Variants in ITIH5 observed in about 807,000 individuals in gnomAD.
ITIH5 encodes the protein inter-alpha-trypsin inhibitor heavy chain H5.
ITIH5 carries 65 observed loss-of-function variants against 77.5 expected under a neutral mutation model. The ratio of observed to expected loss-of-function variants is 0.84; its 90% CI spans 0.69 to 1.03. The LOEUF is 1.03. Ranked by LOEUF, ITIH5 falls within the 50% of genes least tolerant of loss-of-function variation. The pLI is 0.00. For missense variants in ITIH5, 1,208 were observed against 1,213.1 expected (o/e 1.00, Z 0.06); for synonymous variants, 525 against 494.3 (o/e 1.06, Z -0.82).
At chr10:7,658,687 C>T (rs1834227701) in intron 1 of ITIH5, among the ~76,000 whole-genome samples, 1 of 152,064 alleles carries the variant, frequency 6.6e-6, no homozygotes, top group Admixed American at 6.6e-5. Context: ...CCAGGTTATA[C>T]GTAGATGTAA....
At chr10:7,588,472 C>T (rs1832726341) in intron 7 of ITIH5, among the ~76,000 whole-genome samples, 1 of 152,194 alleles carries the variant, frequency 6.6e-6, no homozygotes, top group Non-Finnish European at 1.5e-5. Flanking sequence ...GAGCCCAGAT[C>T]GTGCCACTGC....
At chr10:7,642,172 C>T in intron 2 of ITIH5, 82 bp from the exon 3 acceptor site, 1 of 1,107,978 alleles carries the variant, frequency 9.0e-7, no homozygotes, top group Non-Finnish European at 1.3e-6. Flanking sequence ...TTTTTTTCCA[C>T]AAGGGAAATA....
chr10:7,597,518 T>C (rs111700026), intron 7 of ITIH5, among the ~76,000 whole-genome samples: 1 of 151,618 alleles, frequency 6.6e-6, no homozygotes, highest in South Asian at 2.1e-4. Flanking sequence ...CTGTACCCCA[T>C]AGACACCCAT....
intron 8 of ITIH5, among the ~76,000 whole-genome samples, chr10:7,584,810 G>A (rs1191389722): frequency 1.3e-5 from 2 of 152,194 alleles, no homozygotes; most frequent in African/African-American, 2.4e-5. Flanking sequence ...TTATGGTGTT[G>A]TGGACTTCCT....
At chr10:7,612,131 C>G (rs956455089) in intron 7 of ITIH5, among the ~76,000 whole-genome samples, 1 of 152,082 alleles carries the variant, frequency 6.6e-6, no homozygotes, top group African/African-American at 2.4e-5. Flanking sequence ...AAGAAAATGA[C>G]AGGGCATGCG....
rs563873542 is a variant in ITIH5 at position 7,629,494 on chromosome 10, C to T, written c.652+7734G>A. On this transcript the variant is annotated intron_variant, in intron 5 of 13. Coordinates refer to ENST00000397146, the MANE Select transcript of ITIH5 (RefSeq NM_030569.7). ...GTTTTCGCATGTGTCCATGTTGTAG[C>T]GTGTGTCCATGTTGCAGCGTGTGTC... is the stretch of plus-strand genomic sequence containing the variant. 2.2e-4 allele frequency among the ~76,000 whole-genome samples: 33 copies of T among 149,774 alleles called. 1 individual carries two copies. The highest frequency in any genetic ancestry group is 6.0e-4 in the Admixed American group (9 of 15,068).
At chr10:7,610,336 C>T (rs1264024932) in intron 7 of ITIH5, among the ~76,000 whole-genome samples, 1 of 152,178 alleles carries the variant, frequency 6.6e-6, no homozygotes, top group African/African-American at 2.4e-5. Flanking sequence ...ATGCCAGAGG[C>T]ACACAGCTTT....
In ITIH5 at chr10:7,571,901, G is replaced by A. The variant is rs150110947; in HGVS notation, c.2032+1241C>T. 5.3e-4 allele frequency: 477 copies of A among 892,954 alleles called. 1 individual carries two copies. The African/African-American group carries it at 7.9e-3, about 15-fold the overall frequency. The allele number at this position is 892,954 out of a possible 1,614,324, so 55.3% of individuals were successfully genotyped here. A position where few individuals can be genotyped will look rare whatever the true frequency, so the allele number is the denominator to read the frequency against. On this transcript the variant is annotated intron_variant, in intron 11 of 13. Transcript: ENST00000397146. Reference sequence around the variant, plus strand: ...GATCTGTTGTTGGTTCGATCCTTGGGATGCGGGACCCATGGAGATAGAGGA... The same window carrying A: ...GATCTGTTGTTGGTTCGATCCTTGGAATGCGGGACCCATGGAGATAGAGGA...
chr10:7,565,730 A>G (rs968722477), intron 13 of ITIH5, among the ~76,000 whole-genome samples: 39 of 147,954 alleles, frequency 2.6e-4, no homozygotes, highest in African/African-American at 8.4e-4. Context: ...GTATTTATAT[A>G]GAGAGACTAT....
At chr10:7,613,245 CAAAAAAAAAAAA>C (rs58021308) in intron 7 of ITIH5, among the ~76,000 whole-genome samples, 6 of 143,616 alleles carry the variant, frequency 4.2e-5, no homozygotes, top group African/African-American at 1.6e-4. Context: ...GACTTCGTCT[CAAAAAAAAAAAA>C]AAAAAAAAAA....
Position 7,579,851 on chromosome 10 carries a change from T to C in ITIH5, c.1322A>G (p.Asp441Gly). Reference sequence around the variant, plus strand: ...TTTCTCCAGCAGCCTGAAGTCCACGTCGTTGCCGATGCCAATGGTGAAGAT... The same window carrying C: ...TTTCTCCAGCAGCCTGAAGTCCACGCCGTTGCCGATGCCAATGGTGAAGAT... ...VCIFTIGIGN[D>G]VDFRLLEKLS... Residue 441 changes from aspartate to glycine, a missense_variant, in exon 9 of 14, where the codon GAC (aspartate) becomes GGC (glycine). By Grantham distance (94) the Asp-to-Gly change is moderately conservative. Coordinates refer to ENST00000397146, the MANE Select transcript of ITIH5 (RefSeq NM_030569.7). 6.2e-7 allele frequency: 1 copy of C among 1,614,190 alleles called. No homozygotes were observed. The highest frequency in any genetic ancestry group is 1.7e-5 in the Admixed American group (1 of 60,026).
At chr10:7,567,717 G>A (rs1588357158) in intron 12 of ITIH5, among the ~76,000 whole-genome samples, 2 of 152,244 alleles carry the variant, frequency 1.3e-5, no homozygotes, top group Middle Eastern at 3.4e-3. Context: ...CTTCCACTTA[G>A]GTGTTTGTCC....
rs370892702 is a variant in ITIH5 at position 7,579,797 on chromosome 10, C to G, written c.1376G>C (p.Arg459Pro). 2 of 1,614,142 alleles carry G rather than the reference C, an allele frequency of 1.2e-6. No individual in the cohort carries two copies. Among genetic ancestry groups the G allele is most frequent in the Admixed American group, 3.3e-5 (2 of 60,032 alleles). Reference protein sequence around the residue: ...KLSLENCGLTRRVHEEEDAGS... With the variant: ...KLSLENCGLTPRVHEEEDAGS... Reference sequence around the variant, plus strand: ...TGCGTCCTCCTCCTCGTGCACGCGCCGTGTGAGGCCACAGTTCTCCAGCGA... The same window carrying G: ...TGCGTCCTCCTCCTCGTGCACGCGCGGTGTGAGGCCACAGTTCTCCAGCGA... The change falls in exon 9 of 14, where the codon CGG becomes CCG. Residue 459 changes from arginine to proline, a missense_variant. Coordinates refer to ENST00000397146, the MANE Select transcript of ITIH5 (RefSeq NM_030569.7).
intron 5 of ITIH5, chr10:7,622,588 A>G (rs533168766): frequency 1.3e-5 from 2 of 152,362 alleles, no homozygotes; most frequent in South Asian, 4.1e-4. Context: ...AGTTTTCTCT[A>G]TACCACTGAA....
In ITIH5 at chr10:7,615,371, T is replaced by C. The variant is rs978922562; in HGVS notation, c.939+611A>G. Among the ~76,000 whole-genome samples, 9 of 152,378 alleles carry C rather than the reference T, an allele frequency of 5.9e-5. No homozygotes were observed. The South Asian group carries it at 1.0e-3, about 18-fold the overall frequency. On this transcript the variant is annotated intron_variant, in intron 7 of 13. Transcript: ENST00000397146. ...CAGCCAGTAGCTCTGTTTTCTATTA[T>C]GTGAGTTTGAAATGTATCGTATATG...
At chr10:7,577,721 T>C (rs1434922276) in intron 9 of ITIH5, among the ~76,000 whole-genome samples, 4 of 151,972 alleles carry the variant, frequency 2.6e-5, no homozygotes, top group Admixed American at 6.6e-5. Context: ...CTAGAAACCA[T>C]AGGCTGTGGA....
At chr10:7,568,988 TTTC>T (rs1368748384) in intron 12 of ITIH5, among the ~76,000 whole-genome samples, 5 of 149,896 alleles carry the variant, frequency 3.3e-5, no homozygotes, top group South Asian at 2.1e-4. Flanking sequence ...ATATTGTGGT[TTTC>T]TTTTCTTTTT....
chr10:7,565,228 T>A (rs1211763113), intron 13 of ITIH5, among the ~76,000 whole-genome samples: 1 of 149,392 alleles, frequency 6.7e-6, no homozygotes, highest in African/African-American at 2.5e-5. Context: ...TACATACATA[T>A]ATACACAGAG....
rs1358048953 is a variant in ITIH5, at chr10:7,579,743, C to G, written c.1418+12G>C. ...AAACAGCCTCTCATGCCTACGAAGA[C>G]AGACCACAGACCCGATGAGCTGCGA... On this transcript the variant is annotated intron_variant, in intron 9 of 13. Transcript: ENST00000397146. 1 of 1,609,928 alleles carries G rather than the reference C, an allele frequency of 6.2e-7. No individual in the cohort carries two copies. Among genetic ancestry groups the G allele is most frequent in the Non-Finnish European group, 8.5e-7 (1 of 1,178,028 alleles).
Sources: allele counts gnomAD v4.1 joint callset (sites outside exome capture counted in the v4.1 genomes callset), GRCh38; gene constraint gnomAD v4.1.1; transcripts MANE v1.5; gene names NCBI Gene and HGNC (gene_info 2026-07-23, HGNC 2026-07-21).